The following CCNB3 variants were observed in gnomAD, a reference collection of about 807,000 sequenced individuals.
CCNB3 encodes cyclin B3.
A neutral mutation model predicts 68.0 loss-of-function variants in CCNB3; 12 were observed. The ratio of observed to expected loss-of-function variants is 0.18; its 90% CI spans 0.11 to 0.29. The LOEUF (loss-of-function observed/expected upper bound fraction) is 0.29, where lower values mean the gene tolerates loss of function less well. Ranked by LOEUF, CCNB3 falls within the 10% of genes least tolerant of loss-of-function variation. The pLI is 1.00. For missense variants in CCNB3, 904 were observed against 993.1 expected, an observed-to-expected ratio of 0.91 and a Z score of 1.21; for synonymous variants, 354 against 388.9, an observed-to-expected ratio of 0.91 and a Z score of 1.06.
intron 1 of CCNB3, among the ~76,000 whole-genome samples, chrX:50,227,892 A>G (rs1171294732): frequency 2.4e-5 from 2 of 83,159 alleles, no homozygotes; most frequent in Non-Finnish European, 4.4e-5. Context: ...GAGAAAATAT[A>G]TAAATATATA....
At chrX:50,305,565 T>C in intron 5 of CCNB3, among the ~76,000 whole-genome samples, 1 of 109,483 alleles carries the variant, frequency 9.1e-6, no homozygotes. Flanking sequence ...AAATGACGAG[T>C]TAATGGGTGC....
At chrX:50,343,386 A>G (rs1186618492) in intron 9 of CCNB3, among the ~76,000 whole-genome samples, 2 of 111,873 alleles carry the variant, frequency 1.8e-5, no homozygotes, top group African/African-American at 6.5e-5. Context: ...ATGTGTCTTC[A>G]TTTTTAATAA....
At chrX:50,228,765 A>C (rs1265975549) in intron 1 of CCNB3, among the ~76,000 whole-genome samples, 3 of 78,434 alleles carry the variant, frequency 3.8e-5, no homozygotes, top group African/African-American at 1.5e-4. Flanking sequence ...AGAAATATAT[A>C]TATAGAATAC....
chrX:50,222,398 T>C (rs1935686773), intron 1 of CCNB3, among the ~76,000 whole-genome samples: 1 of 111,838 alleles, frequency 8.9e-6, no homozygotes, highest in African/African-American at 3.2e-5. Flanking sequence ...TTGCAGTGGC[T>C]GGTACTGGTT....
chrX:50,216,253 T>TTG (rs1335106689), intron 1 of CCNB3, among the ~76,000 whole-genome samples: 6 of 106,169 alleles, frequency 5.7e-5, no homozygotes, highest in South Asian at 4.2e-4. Flanking sequence ...GCGCCAGGCC[T>TTG]TGTGTGTGTG....
At chrX:50,321,719 T>C (rs781877539) in intron 8 of CCNB3, among the ~76,000 whole-genome samples, 1 of 111,471 alleles carries the variant, frequency 9.0e-6, no homozygotes, top group East Asian at 2.8e-4. Flanking sequence ...AATACATTTA[T>C]TGCCTCTTTA....
chrX:50,351,140 C>T (rs782485082), intron 11 of CCNB3, 101 bp from the exon 12 acceptor site: 105 of 933,052 alleles, frequency 1.1e-4, no homozygotes, highest in Non-Finnish European at 1.5e-4. Flanking sequence ...AATGTCATCT[C>T]TGTTTAAACC....
intron 8 of CCNB3, among the ~76,000 whole-genome samples, chrX:50,321,661 C>A (rs1285719581): frequency 5.4e-5 from 6 of 111,372 alleles, no homozygotes; most frequent in African/African-American, 2.0e-4. Context: ...TTTGTCTACT[C>A]TAACATCAGT....
intron 8 of CCNB3, among the ~76,000 whole-genome samples, chrX:50,314,222 C>T (rs895009530): frequency 5.4e-5 from 6 of 111,879 alleles, no homozygotes; most frequent in South Asian, 7.5e-4. Flanking sequence ...AAGGCAGTGA[C>T]GGTATGGTCG....
intron 1 of CCNB3, among the ~76,000 whole-genome samples, chrX:50,208,128 G>A (rs1303733552): frequency 2.7e-5 from 3 of 111,979 alleles, no homozygotes; most frequent in African/African-American, 9.8e-5. Context: ...CAGTGGCAAG[G>A]GTTTTTATTG....
At chrX:50,219,970 G>A (rs966610148) in intron 1 of CCNB3, among the ~76,000 whole-genome samples, 15 of 110,855 alleles carry the variant, frequency 1.4e-4, no homozygotes, top group African/African-American at 2.6e-4. Flanking sequence ...GTAGTTCTCC[G>A]TGAAGAGGTC....
intron 4 of CCNB3, among the ~76,000 whole-genome samples, chrX:50,291,804 G>A (rs782213840): frequency 3.7e-4 from 41 of 111,698 alleles, no homozygotes; most frequent in African/African-American, 1.3e-3. Context: ...TTAAAATGGT[G>A]ACTGTGCCAA....
chrX:50,214,472 G>A (rs1480267814), intron 1 of CCNB3, among the ~76,000 whole-genome samples: 2 of 2,874 alleles, frequency 7.0e-4, no homozygotes, highest in East Asian at 0.026. Flanking sequence ...TTTAGCTGTG[G>A]CCCATATATA....
chrX:50,331,160 C>T (rs1194209937), intron 8 of CCNB3, among the ~76,000 whole-genome samples: 4 of 111,408 alleles, frequency 3.6e-5, no homozygotes, highest in African/African-American at 6.5e-5. Context: ...GAGGGCAGCC[C>T]GGGAGTTTGC....
intron 8 of CCNB3, among the ~76,000 whole-genome samples, chrX:50,335,049 C>T (rs1170338148): frequency 2.7e-5 from 3 of 111,909 alleles, no homozygotes; most frequent in Admixed American, 9.4e-5. Context: ...GCAGGGCATC[C>T]GTCCCTTTTG....
intron 8 of CCNB3, among the ~76,000 whole-genome samples, chrX:50,341,178 A>G (rs1354286428): frequency 3.7e-5 from 4 of 108,965 alleles, no homozygotes; most frequent in African/African-American, 1.3e-4. Flanking sequence ...AAAATACAAA[A>G]AATTAGCCGG....
At chrX:50,225,308 G>C (rs2146990709) in intron 1 of CCNB3, among the ~76,000 whole-genome samples, 1 of 111,059 alleles carries the variant, frequency 9.0e-6, no homozygotes, top group African/African-American at 3.3e-5. Flanking sequence ...CAGAGAGTTT[G>C]GTAAATTCAA....
chrX:50,336,966 C>G (rs56019179), intron 8 of CCNB3, among the ~76,000 whole-genome samples: 21,533 of 110,903 alleles, frequency 0.19, 1,985 homozygotes, highest in East Asian at 0.4. Flanking sequence ...TGGAGCAAGT[C>G]AATTAAAGCT....
intron 1 of CCNB3, among the ~76,000 whole-genome samples, chrX:50,279,576 A>G (rs1250645088): frequency 1.1e-5 from 1 of 87,880 alleles, no homozygotes; most frequent in African/African-American, 4.1e-5. Context: ...TATTTTCTAT[A>G]TATAAATATA....
Sources: allele counts gnomAD v4.1 joint callset (sites outside exome capture counted in the v4.1 genomes callset), GRCh38; gene constraint gnomAD v4.1.1; transcripts MANE v1.5; gene names NCBI Gene and HGNC (gene_info 2026-07-23, HGNC 2026-07-21).